MAT2A: variants seen among roughly 807,000 people sequenced by gnomAD.
MAT2A encodes methionine adenosyltransferase 2A, also known as S-adenosylmethionine synthase isoform type-2.
In MAT2A, 3 loss-of-function variants were observed where a neutral mutation model predicts 43.9. That is an observed-to-expected ratio of 0.07 (90% confidence interval 0.03 to 0.18). The LOEUF (loss-of-function observed/expected upper bound fraction) is 0.18. Ranked by LOEUF, MAT2A falls within the 10% of genes least tolerant of loss-of-function variation. The probability of loss-of-function intolerance (pLI) is 1.00; values close to 1 mark genes in which losing one functional copy is unlikely to be tolerated. For missense variants in MAT2A, 204 were observed against 489.0 expected (o/e 0.42, Z 5.50); for synonymous variants, 200 against 168.4 (o/e 1.19, Z -1.45).
chr2:85,539,429 A>G (rs769477231), intron 1 of MAT2A, 51 bp downstream of exon 1: 17 of 1,451,440 alleles, frequency 1.2e-5, no homozygotes, highest in Middle Eastern at 3.8e-4. Context: ...AGGCAGCGCC[A>G]AGGTCCGGCT....
rs932061678 is a variant in MAT2A, at chr2:85,539,284, C to G, written c.-4C>G. 6.2e-7 allele frequency: 1 copy of G among 1,603,102 alleles called. No homozygotes were observed. The highest frequency in any genetic ancestry group is 8.5e-7 in the Non-Finnish European group (1 of 1,175,152). ...TAAGGCCACTTCCGCACACCGACAC[C>G]AACATGAACGGACAGCTCAACGGCT... On this transcript the variant is annotated 5_prime_UTR_variant, in exon 1 of 9. Transcript: ENST00000306434.
chr2:85,543,906 A>G lies in MAT2A; in HGVS notation c.*134A>G, dbSNP rs1691540889. The stretch of plus-strand genomic sequence containing the variant: ...CTGACCAGTTGCAGTCACTCTAGTC[A>G]ATGACATGAATTTTAGCTTTTGTGG... On this transcript the variant is annotated 3_prime_UTR_variant, in exon 9 of 9. Coordinates refer to ENST00000306434, the MANE Select transcript of MAT2A (RefSeq NM_005911.6). 2 of 588,974 alleles carry G rather than the reference A, an allele frequency of 3.4e-6. No homozygotes were observed. The highest frequency in any genetic ancestry group is 4.5e-4 in the Middle Eastern group (1 of 2,202). 36.5% of individuals were successfully genotyped at this position (588,974 alleles called of 1,614,324 possible). A position where few individuals can be genotyped will look rare whatever the true frequency, so the allele number is the denominator to read the frequency against.
rs1691580987 is a variant in MAT2A, at chr2:85,544,860, C to G, written c.*1088C>G. 6.6e-6 allele frequency: 1 copy of G among 152,580 alleles called. No homozygotes were observed. Among genetic ancestry groups the G allele is most frequent in the Non-Finnish European group, 1.5e-5 (1 of 68,032 alleles). The allele number at this position is 152,580 out of a possible 1,614,324, so 9.5% of individuals were successfully genotyped here. On this transcript the variant is annotated 3_prime_UTR_variant, in exon 9 of 9. Transcript: ENST00000306434. ...AAATCCCTTCATACTTGAACGTTTT[C>G]TAATTGCTTATTTATTGTATTCTGG...
At chr2:85,541,595 C>T (rs1348817) in intron 3 of MAT2A, 38 bp from the exon 4 acceptor site, 1 of 1,491,836 alleles carries the variant, frequency 6.7e-7, no homozygotes, top group South Asian at 1.2e-5. Context: ...GCAGGTATTT[C>T]TAGGACGTAA....
chr2:85,545,128 G>T lies in MAT2A; in HGVS notation c.*1356G>T, dbSNP rs3209936. ...GCTGACTTGGCTGGTGTGGTACAGA[G>T]AAGCCAGCTTGTTTACATGCTTATT... On this transcript the variant is annotated 3_prime_UTR_variant, in exon 9 of 9. Coordinates refer to ENST00000306434, the MANE Select transcript of MAT2A (RefSeq NM_005911.6). 1 of 152,644 alleles carries T rather than the reference G, an allele frequency of 6.6e-6. No homozygotes were observed. Among genetic ancestry groups the T allele is most frequent in the African/African-American group, 2.4e-5 (1 of 41,462 alleles). 9.5% of individuals were successfully genotyped at this position (152,644 alleles called of 1,614,324 possible). A position where few individuals can be genotyped will look rare whatever the true frequency, so the allele number is the denominator to read the frequency against.
Position 85,543,724 on chromosome 2 carries a change from T to C in MAT2A, c.1140T>C (p.Phe380=). 2 of 1,612,944 alleles carry C rather than the reference T, an allele frequency of 1.2e-6. No individual in the cohort carries two copies. The highest frequency in any genetic ancestry group is 1.7e-6 in the Non-Finnish European group (2 of 1,179,384). The change falls in exon 9 of 9, where the codon TTT becomes TTC. Residue 380 remains phenylalanine (F), a synonymous_variant. Transcript: ENST00000306434. The part of the protein sequence containing the change: ...IYQRTAAYGH[F]GRDSFPWEVP... Reference sequence around the variant, plus strand: ...AGAGGACTGCAGCCTATGGCCACTTTGGTAGGGACAGCTTCCCATGGGAAG... The same window carrying C: ...AGAGGACTGCAGCCTATGGCCACTTCGGTAGGGACAGCTTCCCATGGGAAG...
Position 85,541,247 on chromosome 2 carries a change from T to C in MAT2A, c.170-8T>C. ...GTGATGTTTGAGTTGAATGTCTCTT[T>C]TTATTAGAAACTGTTGCTAAAACTG... is the stretch of plus-strand genomic sequence containing the variant. On this transcript the variant is annotated splice_polypyrimidine_tract_variant and splice_region_variant and intron_variant, in intron 2 of 8. Transcript: ENST00000306434. 6.2e-7 allele frequency: 1 copy of C among 1,613,610 alleles called. No individual in the cohort carries two copies. The highest frequency in any genetic ancestry group is 8.5e-7 in the Non-Finnish European group (1 of 1,179,804).
In MAT2A at chr2:85,543,799, T is replaced by C; in HGVS notation, c.*27T>C. ...AGTGTTAGCCTTTTTTCCCCAGACT[T>C]GTTGGCGTAGGCTACAGAGAAGCCT... On this transcript the variant is annotated 3_prime_UTR_variant, in exon 9 of 9. Coordinates refer to ENST00000306434, the MANE Select transcript of MAT2A (RefSeq NM_005911.6). 1.3e-6 allele frequency: 2 copies of C among 1,488,556 alleles called. No homozygotes were observed. The highest frequency in any genetic ancestry group is 2.4e-5 in the South Asian group (2 of 83,946). 92.2% of individuals were successfully genotyped at this position (1,488,556 alleles called of 1,614,324 possible).
chr2:85,543,348 T>TA (rs1162339102), intron 8 of MAT2A: 13 of 410,378 alleles, frequency 3.2e-5, no homozygotes, highest in Non-Finnish European at 5.3e-5. Context: ...TGTTGCAATG[T>TA]AAAAACCATG....
rs202218397 is a variant in MAT2A at position 85,539,273 on chromosome 2, C to A, written c.-15C>A. 5.0e-6 allele frequency: 8 copies of A among 1,597,034 alleles called. No homozygotes were observed. In the South Asian group the frequency reaches 6.7e-5, roughly 13 times the overall value. On this transcript the variant is annotated 5_prime_UTR_variant, in exon 1 of 9. Coordinates refer to ENST00000306434, the MANE Select transcript of MAT2A (RefSeq NM_005911.6). ...CTGCTCCTTCGTAAGGCCACTTCCG[C>A]ACACCGACACCAACATGAACGGACA...
rs1168185796 is a variant in MAT2A at position 85,544,260 on chromosome 2, T to C, written c.*488T>C. On this transcript the variant is annotated 3_prime_UTR_variant, in exon 9 of 9. Transcript: ENST00000306434. ...TTATGAATGTGAAGCCTTCCCCTTATCCTCCCTGTAACTTGATCCATTTCT... is the reference window on the plus strand; with the variant it reads ...TTATGAATGTGAAGCCTTCCCCTTACCCTCCCTGTAACTTGATCCATTTCT... 1.3e-5 allele frequency: 2 copies of C among 152,692 alleles called. No individual in the cohort carries two copies. Among genetic ancestry groups the C allele is most frequent in the Admixed American group, 1.3e-4 (2 of 15,278 alleles). 9.5% of individuals were successfully genotyped at this position (152,692 alleles called of 1,614,324 possible).
At position 85,544,172 on chromosome 2, in the gene MAT2A, TA is replaced by T. The variant is rs1447298989; in HGVS notation, c.*401del. On this transcript the variant is annotated 3_prime_UTR_variant, in exon 9 of 9. Coordinates refer to ENST00000306434, the MANE Select transcript of MAT2A (RefSeq NM_005911.6). ...CACGTAAAGTACTTGTAGTTCCACT[TA>T]TAGCCTCTGTCTGGCAATGCCACAG... 6.3e-6 allele frequency: 1 copy of T among 157,812 alleles called. No individual in the cohort carries two copies. Among genetic ancestry groups the T allele is most frequent in the East Asian group, 1.9e-4 (1 of 5,326 alleles). 9.8% of individuals were successfully genotyped at this position (157,812 alleles called of 1,614,324 possible). A position where few individuals can be genotyped will look rare whatever the true frequency, so the allele number is the denominator to read the frequency against.
chr2:85,541,611 A>ATGT lies in MAT2A; in HGVS notation c.293-18_293-16dup, dbSNP rs749382530. The ATGT allele has an allele frequency of 5.2e-6, 8 of 1,547,546 alleles. No homozygotes were observed. The African/African-American group carries it at 8.3e-5, about 16-fold the overall frequency. On this transcript the variant is annotated intron_variant, in intron 3 of 8. Coordinates refer to ENST00000306434, the MANE Select transcript of MAT2A (RefSeq NM_005911.6). ...CAGGTATTTCTAGGACGTAAACAAG[A>ATGT]TGTTGTGTTTTTTGCTTATAGGTTT...
rs992234117 is a variant in MAT2A at position 85,541,618 on chromosome 2, G to T, written c.293-15G>T. ...TTCTAGGACGTAAACAAGATGTTGT[G>T]TTTTTTGCTTATAGGTTTTGACTAC... On this transcript the variant is annotated splice_polypyrimidine_tract_variant and intron_variant, in intron 3 of 8. Coordinates refer to ENST00000306434, the MANE Select transcript of MAT2A (RefSeq NM_005911.6). The T allele has an allele frequency of 1.3e-6, 2 of 1,575,576 alleles. No individual in the cohort carries two copies. Among genetic ancestry groups the T allele is most frequent in the Non-Finnish European group, 1.7e-6 (2 of 1,158,768 alleles).
chr2:85,542,537 T>C (rs530954177), intron 6 of MAT2A, 28 bp from the exon 7 acceptor site: 1 of 1,604,990 alleles, frequency 6.2e-7, no homozygotes, highest in African/African-American at 1.3e-5. Flanking sequence ...GCACTAGGCG[T>C]AAAGTAACTT....
At chr2:85,539,618 GCC>G (rs1474347626) in intron 1 of MAT2A, 2 of 386,790 alleles carry the variant, frequency 5.2e-6, no homozygotes, top group African/African-American at 4.3e-5. Context: ...TCGGTCGCGC[GCC>G]TAGGCATGCG....
At chr2:85,539,421 G>A in intron 1 of MAT2A, 43 bp downstream of exon 1, 3 of 1,516,396 alleles carry the variant, frequency 2.0e-6, no homozygotes, top group Non-Finnish European at 1.8e-6. Context: ...GGGGCAGAAG[G>A]CAGCGCCAAG....
intron 1 of MAT2A, 100 bp from the exon 2 acceptor site, chr2:85,540,983 C>T (rs1691462675): frequency 1.3e-6 from 1 of 755,270 alleles, no homozygotes; most frequent in African/African-American, 1.8e-5. Flanking sequence ...TTTAAAATCT[C>T]CAAAGATTTT....
In MAT2A at chr2:85,541,936, C is replaced by T. The variant is rs1691485359; in HGVS notation, c.513C>T (p.Gly171=). The change falls in exon 5 of 9, where the codon GGC becomes GGT. Residue 171 remains glycine, a synonymous_variant. Transcript: ENST00000306434. Reference sequence around the variant, plus strand: ...AACTGGCAGAACTACGCCGTAATGGCACTTTGCCTTGGTTACGCCCTGATT... The same window carrying T: ...AACTGGCAGAACTACGCCGTAATGGTACTTTGCCTTGGTTACGCCCTGATT... ...NAKLAELRRN[G]TLPWLRPDSK... 1 of 1,614,232 alleles carries T rather than the reference C, an allele frequency of 6.2e-7. No homozygotes were observed.
Sources: gnomAD v4.1 joint callset for allele counts on GRCh38, gnomAD v4.1.1 for gene constraint, MANE v1.5 for transcripts, NCBI Gene and HGNC (gene_info 2026-07-23, HGNC 2026-07-21) for gene names.